The following HACD2 variants were observed in gnomAD, a reference collection of about 807,000 sequenced individuals.
HACD2 encodes the protein 3-hydroxyacyl-CoA dehydratase 2.
HACD2 carries 15 observed loss-of-function variants against 31.0 expected under a neutral mutation model. The observed-to-expected ratio is 0.48, with a 90% CI of 0.32 to 0.75. The LOEUF (loss-of-function observed/expected upper bound fraction) is 0.75, where lower values mean the gene tolerates loss of function less well. HACD2 is among the 30% of genes least tolerant of loss of function. The pLI is 0.03. For missense variants in HACD2, 283 were observed against 313.0 expected, an observed-to-expected ratio of 0.90 and a Z score of 0.72; for synonymous variants, 115 against 122.2, an observed-to-expected ratio of 0.94 and a Z score of 0.39.
At chr3:123,548,470 C>T (rs1327022314) in intron 3 of HACD2, among the ~76,000 whole-genome samples, 1 of 152,068 alleles carries the variant, frequency 6.6e-6, no homozygotes, top group Non-Finnish European at 1.5e-5. Flanking sequence ...TCACCTAAAG[C>T]GCTCCCGAAT....
intron 1 of HACD2, chr3:123,584,667 C>T: frequency 2.6e-6 from 1 of 387,360 alleles, no homozygotes; most frequent in Non-Finnish European, 4.5e-6. Context: ...GGCTCGACCC[C>T]CAGCGCAGGA....
chr3:123,573,509 A>C (rs2056876615), intron 2 of HACD2, among the ~76,000 whole-genome samples: 1 of 152,200 alleles, frequency 6.6e-6, no homozygotes, highest in Non-Finnish European at 1.5e-5. Flanking sequence ...GAGAACCTCA[A>C]GTTTTCATGG....
At chr3:123,578,718 C>T (rs572041831) in intron 2 of HACD2, among the ~76,000 whole-genome samples, 29 of 152,282 alleles carry the variant, frequency 1.9e-4, no homozygotes, top group Non-Finnish European at 8.8e-5. Context: ...TTTAAGTAAA[C>T]TCCCACAGAA....
At chr3:123,558,392 A>G (rs2056694105) in intron 3 of HACD2, among the ~76,000 whole-genome samples, 1 of 152,204 alleles carries the variant, frequency 6.6e-6, no homozygotes, top group Admixed American at 6.5e-5. Context: ...CAATGCTAAG[A>G]GTGAACTATG....
chr3:123,546,614 C>T (rs1397391604), intron 3 of HACD2, among the ~76,000 whole-genome samples: 1 of 152,162 alleles, frequency 6.6e-6, no homozygotes, highest in Non-Finnish European at 1.5e-5. Context: ...AAGTCTCACA[C>T]TAAGGATAGT....
chr3:123,558,300 A>T (rs540260329), intron 3 of HACD2, among the ~76,000 whole-genome samples: 1 of 152,348 alleles, frequency 6.6e-6, no homozygotes, highest in African/African-American at 2.4e-5. Flanking sequence ...GACAAGCCCC[A>T]GAGTGGGAGT....
intron 3 of HACD2, among the ~76,000 whole-genome samples, chr3:123,559,665 G>C (rs1576227293): frequency 6.6e-6 from 1 of 152,180 alleles, no homozygotes; most frequent in Non-Finnish European, 1.5e-5. Flanking sequence ...TGACGGACTG[G>C]ACAGCCAGCT....
rs940610070 is a variant in HACD2 at position 123,524,611 on chromosome 3, T to C, written c.381+3775A>G. 5.3e-5 allele frequency among the ~76,000 whole-genome samples: 8 copies of C among 152,200 alleles called. No homozygotes were observed. In the South Asian group the frequency reaches 6.2e-4, roughly 12 times the overall value. Reference sequence around the variant, plus strand: ...ATCTCACACAGGCATTTCCACTCCATAGGGGAGTGAGAGAAGTCAGCACAA... The same window carrying C: ...ATCTCACACAGGCATTTCCACTCCACAGGGGAGTGAGAGAAGTCAGCACAA... On this transcript the variant is annotated intron_variant, in intron 4 of 6. Coordinates refer to ENST00000383657, the MANE Select transcript of HACD2 (RefSeq NM_198402.5).
At chr3:123,557,116 G>A (rs1395609093) in intron 3 of HACD2, among the ~76,000 whole-genome samples, 1 of 144,872 alleles carries the variant, frequency 6.9e-6, no homozygotes, top group East Asian at 1.9e-4. Context: ...GGGCTGCGCA[G>A]CAGGAGAGCA....
chr3:123,551,863 C>G (rs998741372), intron 3 of HACD2, among the ~76,000 whole-genome samples: 1 of 152,084 alleles, frequency 6.6e-6, no homozygotes, highest in Admixed American at 6.6e-5. Context: ...CACAATATAT[C>G]TATATAGCTG....
intron 6 of HACD2, 91 bp from the exon 7 acceptor site, chr3:123,495,061 TCTGA>T: frequency 1.3e-6 from 1 of 757,838 alleles, no homozygotes; most frequent in Non-Finnish European, 2.1e-6. Flanking sequence ...TCTCTGACCC[TCTGA>T]CTAATTTCTC....
At chr3:123,517,049 G>A (rs1486127480) in intron 4 of HACD2, among the ~76,000 whole-genome samples, 2 of 152,186 alleles carry the variant, frequency 1.3e-5, no homozygotes, top group African/African-American at 4.8e-5. Flanking sequence ...GCTTAGCAAA[G>A]CCCTTGCCAT....
chr3:123,539,224 T>C (rs2056459598), intron 3 of HACD2, among the ~76,000 whole-genome samples: 1 of 152,182 alleles, frequency 6.6e-6, no homozygotes, highest in Non-Finnish European at 1.5e-5. Flanking sequence ...TCCCCATTGG[T>C]GTTTAGAAAA....
intron 4 of HACD2, among the ~76,000 whole-genome samples, chr3:123,511,442 G>A (rs1329129123): frequency 6.6e-6 from 1 of 152,064 alleles, no homozygotes; most frequent in Admixed American, 6.6e-5. Flanking sequence ...TACAAGAAGA[G>A]CCTAGAGAAC....
intron 3 of HACD2, among the ~76,000 whole-genome samples, chr3:123,544,582 A>G (rs976830532): frequency 6.6e-6 from 1 of 152,186 alleles, no homozygotes; most frequent in Admixed American, 6.5e-5. Context: ...AGAATTTATC[A>G]ATGTCAGGTT....
At chr3:123,525,415 C>T (rs1231157757) in intron 4 of HACD2, among the ~76,000 whole-genome samples, 1 of 152,168 alleles carries the variant, frequency 6.6e-6, no homozygotes, top group African/African-American at 2.4e-5. Flanking sequence ...CATCTGATCA[C>T]TTTTTAGTTT....
intron 4 of HACD2, among the ~76,000 whole-genome samples, chr3:123,511,151 G>T (rs896480777): frequency 2.6e-5 from 4 of 151,628 alleles, no homozygotes; most frequent in African/African-American, 9.7e-5. Context: ...TAATATTTAT[G>T]GTGACAGCAG....
chr3:123,492,602 G>C lies in HACD2; in HGVS notation c.*2286C>G, dbSNP rs1032849890. The stretch of plus-strand genomic sequence containing the variant: ...AGACCCTTTTTGAAAAGGGAGCTGT[G>C]TGCTGTGTTCTCATTGCCAAAGTTC... On this transcript the variant is annotated 3_prime_UTR_variant, in exon 7 of 7. Transcript: ENST00000383657. The C allele has an allele frequency of 2.6e-5, 4 of 152,158 alleles. No homozygotes were observed. The highest frequency in any genetic ancestry group is 2.6e-4 in the Admixed American group (4 of 15,280). 9.4% of individuals were successfully genotyped at this position (152,158 alleles called of 1,614,324 possible).
intron 3 of HACD2, among the ~76,000 whole-genome samples, chr3:123,558,915 C>T (rs2056698968): frequency 1.3e-5 from 2 of 152,158 alleles, no homozygotes; most frequent in Admixed American, 6.5e-5. Flanking sequence ...CACAAACCAT[C>T]GCACCAAAGA....
Sources: allele counts gnomAD v4.1 joint callset (sites outside exome capture counted in the v4.1 genomes callset), GRCh38; gene constraint gnomAD v4.1.1; transcripts MANE v1.5; gene names NCBI Gene and HGNC (gene_info 2026-07-23, HGNC 2026-07-21).